The following SCLT1 variants were observed in gnomAD, a reference collection of about 807,000 sequenced individuals.
SCLT1 encodes the protein sodium channel-associated protein 1.
In SCLT1, 78 loss-of-function variants were observed where a neutral mutation model predicts 112.8. That is an observed-to-expected ratio of 0.69 (90% CI 0.58 to 0.83). The LOEUF (loss-of-function observed/expected upper bound fraction) is 0.83, where lower values mean the gene tolerates loss of function less well. Ranked by LOEUF, SCLT1 falls within the 40% of genes least tolerant of loss-of-function variation. SCLT1 has a pLI of 0.00. For missense variants in SCLT1, 747 were observed against 770.4 expected (o/e 0.97, Z 0.36); for synonymous variants, 257 against 254.7 (o/e 1.01, Z -0.09).
chr4:129,026,433 CCTGCTCCTGAATGACTA>C (rs1451156234), intron 5 of SCLT1, among the ~76,000 whole-genome samples: 1 of 151,994 alleles, frequency 6.6e-6, no homozygotes, highest in African/African-American at 2.4e-5. Flanking sequence ...AACTGAACAA[CCTGCTCCTGAATGACTA>C]CTGGGTAAAT....
In SCLT1 at chr4:128,902,097, G is replaced by GT. The variant is rs1314805714; in HGVS notation, c.1830-10961dup. Among the ~76,000 whole-genome samples the GT allele has an allele frequency of 4.6e-5, 7 of 152,064 alleles. No individual in the cohort carries two copies. The South Asian group carries it at 6.2e-4, about 14-fold the overall frequency. ...TAATCTTGTGTTTTGTAGAGATGAT[G>GT]TCTCATTATGTTGTCCAGGTTGGTC... On this transcript the variant is annotated intron_variant, in intron 18 of 20. Transcript: ENST00000281142.
intron 2 of SCLT1, among the ~76,000 whole-genome samples, chr4:129,047,750 A>G (rs978785851): frequency 4.6e-5 from 7 of 152,076 alleles, no homozygotes; most frequent in East Asian, 1.9e-4. Context: ...TATGTTTAGC[A>G]TTTTTTCATA....
At chr4:128,893,783 C>T (rs965256595) in intron 18 of SCLT1, among the ~76,000 whole-genome samples, 12 of 152,316 alleles carry the variant, frequency 7.9e-5, no homozygotes, top group Middle Eastern at 3.4e-3. Context: ...CCTCGTGAGC[C>T]GCCCTCCTCG....
intron 18 of SCLT1, among the ~76,000 whole-genome samples, chr4:128,910,864 G>C (rs1230393485): frequency 6.6e-6 from 1 of 151,302 alleles, no homozygotes; most frequent in African/African-American, 2.4e-5. Flanking sequence ...TCTGCATTCT[G>C]TTCAAATTAT....
intron 10 of SCLT1, 81 bp from the exon 11 acceptor site, chr4:128,965,399 C>T (rs969660345): frequency 1.2e-6 from 1 of 853,124 alleles, no homozygotes; most frequent in African/African-American, 1.7e-5. Flanking sequence ...GAAAACAGCT[C>T]ATGCTATAAA....
intron 18 of SCLT1, among the ~76,000 whole-genome samples, chr4:128,909,051 T>C (rs1734901122): frequency 6.6e-6 from 1 of 152,240 alleles, no homozygotes; most frequent in South Asian, 2.1e-4. Flanking sequence ...TACTATTTCT[T>C]TTACTTCAAA....
rs529437896 is a variant in SCLT1, at chr4:129,033,393, G to A, written c.290+5648C>T. Among the ~76,000 whole-genome samples, 243 of 151,020 alleles carry A rather than the reference G, an allele frequency of 1.6e-3. 1 individual carries two copies. The highest frequency in any genetic ancestry group is 0.01 in the Middle Eastern group (3 of 286). Reference sequence around the variant, plus strand: ...CATTAGACAAATACCTAATGCATGCGGGGCTTAAAACCTGGATGACGGGTT... The same window carrying A: ...CATTAGACAAATACCTAATGCATGCAGGGCTTAAAACCTGGATGACGGGTT... On this transcript the variant is annotated intron_variant, in intron 5 of 20. Transcript: ENST00000281142.
At chr4:129,018,390 A>C (rs1336594842) in intron 5 of SCLT1, among the ~76,000 whole-genome samples, 1 of 152,252 alleles carries the variant, frequency 6.6e-6, no homozygotes, top group Non-Finnish European at 1.5e-5. Context: ...GTAATAAATA[A>C]AAGTATAAAG....
At chr4:129,009,185 G>A (rs11098995) in intron 5 of SCLT1, among the ~76,000 whole-genome samples, 13,421 of 152,176 alleles carry the variant, frequency 0.088, 759 homozygotes, top group South Asian at 0.15. Context: ...ATCCAGTGAT[G>A]GGATTGCTGG....
rs1461964855 is a variant in SCLT1 at position 128,942,880 on chromosome 4, A to G, written c.1632+116T>C. The G allele has an allele frequency of 1.4e-5, 9 of 654,276 alleles. No homozygotes were observed. In the South Asian group the frequency reaches 1.8e-4, roughly 13 times the overall value. 40.5% of individuals were successfully genotyped at this position (654,276 alleles called of 1,614,324 possible). A position where few individuals can be genotyped will look rare whatever the true frequency, so the allele number is the denominator to read the frequency against. On this transcript the variant is annotated intron_variant, in intron 17 of 20. Coordinates refer to ENST00000281142, the MANE Select transcript of SCLT1 (RefSeq NM_144643.4). ...ACACTCTGAATTATGATTTAGTGCT[A>G]TCTGATGAGAAGGCAAAAAAAAAGG...
At chr4:129,041,482 T>C (rs1747689499) in intron 4 of SCLT1, among the ~76,000 whole-genome samples, 1 of 152,236 alleles carries the variant, frequency 6.6e-6, no homozygotes, top group Non-Finnish European at 1.5e-5. Context: ...TGTGTTCTTT[T>C]AGTAAAGCTA....
intron 5 of SCLT1, among the ~76,000 whole-genome samples, chr4:129,038,761 T>C (rs1747413684): frequency 6.6e-6 from 1 of 152,184 alleles, no homozygotes; most frequent in African/African-American, 2.4e-5. Context: ...GATTATTTTG[T>C]ATGCTACTCC....
At chr4:128,903,085 A>T (rs1260908923) in intron 18 of SCLT1, among the ~76,000 whole-genome samples, 2 of 152,218 alleles carry the variant, frequency 1.3e-5, no homozygotes, top group Non-Finnish European at 2.9e-5. Context: ...TTAAAAAAAA[A>T]AACATGTAGG....
At chr4:129,051,397 T>G (rs1166663286) in intron 2 of SCLT1, among the ~76,000 whole-genome samples, 1 of 152,202 alleles carries the variant, frequency 6.6e-6, no homozygotes, top group African/African-American at 2.4e-5. Context: ...CCTCTCTTAT[T>G]TCCTTGAGCA....
At chr4:129,001,775 C>G (rs948824148) in intron 6 of SCLT1, among the ~76,000 whole-genome samples, 3 of 151,874 alleles carry the variant, frequency 2.0e-5, no homozygotes, top group African/African-American at 4.8e-5. Flanking sequence ...TACACAGCAC[C>G]TTTTGTACAT....
At chr4:128,974,042 T>A (rs906536804) in intron 9 of SCLT1, among the ~76,000 whole-genome samples, 2 of 152,222 alleles carry the variant, frequency 1.3e-5, no homozygotes, top group Non-Finnish European at 2.9e-5. Context: ...TTAGTATCTA[T>A]AAAATGGAGA....
intron 5 of SCLT1, among the ~76,000 whole-genome samples, chr4:129,017,639 T>C (rs1219943870): frequency 6.6e-6 from 1 of 152,134 alleles, no homozygotes; most frequent in Non-Finnish European, 1.5e-5. Flanking sequence ...TAAGACAATT[T>C]TGGTTCCAGT....
intron 5 of SCLT1, among the ~76,000 whole-genome samples, chr4:129,017,596 C>A (rs1306708275): frequency 1.3e-5 from 2 of 151,824 alleles, no homozygotes; most frequent in Admixed American, 6.6e-5. Flanking sequence ...TCAAGCTCAA[C>A]AAATATCTAA....
intron 2 of SCLT1, among the ~76,000 whole-genome samples, chr4:129,071,764 TC>T (rs1283390260): frequency 6.6e-6 from 1 of 152,166 alleles, no homozygotes; most frequent in Admixed American, 6.6e-5. Context: ...CAGTTTTGTA[TC>T]TTTTAAGTGG....
Sources: gnomAD v4.1 joint callset for allele counts (sites outside exome capture counted in the v4.1 genomes callset) on GRCh38, gnomAD v4.1.1 for gene constraint, MANE v1.5 for transcripts, NCBI Gene and HGNC (gene_info 2026-07-23, HGNC 2026-07-21) for gene names.